Variants in PDZRN3 observed in about 807,000 individuals in gnomAD.
The protein encoded by PDZRN3 is PDZ domain containing ring finger 3.
Under a neutral mutation model 85.7 loss-of-function variants are expected in PDZRN3, and 38 were observed. The ratio of observed to expected loss-of-function variants is 0.44; its 90% CI spans 0.34 to 0.58. The LOEUF (loss-of-function observed/expected upper bound fraction) is 0.58, where lower values mean the gene tolerates loss of function less well. Ranked by LOEUF, PDZRN3 falls within the 20% of genes least tolerant of loss-of-function variation. The pLI, the probability that PDZRN3 is intolerant of heterozygous loss-of-function variation, is 0.01. For missense variants in PDZRN3, 1,629 were observed against 1,506.4 expected (o/e 1.08, Z -1.35); for synonymous variants, 759 against 638.0 (o/e 1.19, Z -2.86).
At chr3:73,501,175 A>C (rs1252758244) in intron 3 of PDZRN3, among the ~76,000 whole-genome samples, 1 of 152,206 alleles carries the variant, frequency 6.6e-6, no homozygotes, top group Non-Finnish European at 1.5e-5. Flanking sequence ...CAAAATCCAA[A>C]CACATAGCCA....
intron 5 of PDZRN3, among the ~76,000 whole-genome samples, chr3:73,396,381 AG>A (rs1701637527): frequency 6.6e-6 from 1 of 152,298 alleles, no homozygotes; most frequent in East Asian, 1.9e-4. Context: ...TTGCAGGCAT[AG>A]TACAAAAAAT....
At chr3:73,434,780 G>A (rs751553091) in intron 3 of PDZRN3, among the ~76,000 whole-genome samples, 5 of 152,226 alleles carry the variant, frequency 3.3e-5, no homozygotes, top group African/African-American at 4.8e-5. Context: ...GAAGAAAGCA[G>A]AGAGCTGCCA....
intron 3 of PDZRN3, among the ~76,000 whole-genome samples, chr3:73,454,892 A>AT (rs879863163): frequency 1.4e-3 from 207 of 145,654 alleles, no homozygotes; most frequent in Middle Eastern, 3.6e-3. Flanking sequence ...AAGTTTCTTC[A>AT]TTTTTTTTTT....
At chr3:73,477,884 G>A (rs537768805) in intron 3 of PDZRN3, among the ~76,000 whole-genome samples, 26 of 152,276 alleles carry the variant, frequency 1.7e-4, no homozygotes, top group African/African-American at 6.3e-4. Flanking sequence ...TGGCAGGCAA[G>A]GGACGTGTGC....
At chr3:73,480,035 A>T (rs572845299) in intron 3 of PDZRN3, among the ~76,000 whole-genome samples, 1 of 152,196 alleles carries the variant, frequency 6.6e-6, no homozygotes, top group African/African-American at 2.4e-5. Flanking sequence ...GGGCAATCCA[A>T]TTATGAAGAA....
At chr3:73,579,771 C>T (rs895367728) in intron 3 of PDZRN3, among the ~76,000 whole-genome samples, 5 of 152,156 alleles carry the variant, frequency 3.3e-5, no homozygotes, top group African/African-American at 9.7e-5. Flanking sequence ...TTGTAAATCA[C>T]GGCACCACTG....
chr3:73,573,818 T>C (rs1326787971), intron 3 of PDZRN3, among the ~76,000 whole-genome samples: 42 of 13,730 alleles, frequency 3.1e-3, no homozygotes, highest in African/African-American at 0.023. Context: ...CACCTATACA[T>C]ATACATATAC....
chr3:73,402,960 T>TTTTTTTTTG (rs1429244382), intron 4 of PDZRN3, among the ~76,000 whole-genome samples: 5 of 98,944 alleles, frequency 5.1e-5, no homozygotes, highest in African/African-American at 1.8e-4. Flanking sequence ...TTTTTTTTTT[T>TTTTTTTTTG]TGAGACGGAG....
At chr3:73,433,988 T>C in intron 3 of PDZRN3, 1 of 1,277,050 alleles carries the variant, frequency 7.8e-7, no homozygotes, top group African/African-American at 1.5e-5. Context: ...TGAGTGACTC[T>C]GGCAGCTGGA....
intron 3 of PDZRN3, among the ~76,000 whole-genome samples, chr3:73,420,140 C>T (rs181691308): frequency 3.8e-4 from 58 of 152,294 alleles, no homozygotes; most frequent in African/African-American, 1.3e-3. Context: ...AAATGCTTTT[C>T]CTAGAAATCC....
intron 1 of PDZRN3, among the ~76,000 whole-genome samples, chr3:73,620,982 G>A (rs1391609111): frequency 1.3e-5 from 2 of 152,248 alleles, no homozygotes; most frequent in African/African-American, 4.8e-5. Flanking sequence ...TACATGTTTG[G>A]TCTATATCTA....
At position 73,509,841 on chromosome 3, in the gene PDZRN3, T is replaced by C. The variant is rs529710309; in HGVS notation, c.918+92513A>G. ...TCCTGGCACGGGCGGGCGGCTCTTC[T>C]CTGTGACTTCCCTGAAAACCCACTG... On this transcript the variant is annotated intron_variant, in intron 3 of 9. Transcript: ENST00000263666. 4.0e-4 allele frequency among the ~76,000 whole-genome samples: 61 copies of C among 152,312 alleles called. 1 individual carries two copies. The South Asian group carries it at 0.012, about 31-fold the overall frequency.
intron 3 of PDZRN3, chr3:73,569,195 G>T: frequency 7.8e-7 from 1 of 1,289,430 alleles, no homozygotes; most frequent in Non-Finnish European, 1.0e-6. Context: ...GATTCATCAG[G>T]AGGAATCAGA....
chr3:73,385,859 A>G lies in PDZRN3; in HGVS notation c.1519-74T>C. 3.4e-6 allele frequency: 3 copies of G among 885,674 alleles called. No individual in the cohort carries two copies. The South Asian group carries it at 4.2e-5, about 12-fold the overall frequency. 54.9% of individuals were successfully genotyped at this position (885,674 alleles called of 1,614,324 possible). The stretch of plus-strand genomic sequence containing the variant: ...TCATTTATGTTTTTTTAAAAATGAC[A>G]TTACCTTGGGGGAAAATATTTCTAG... On this transcript the variant is annotated intron_variant, in intron 8 of 9. Coordinates refer to ENST00000263666, the MANE Select transcript of PDZRN3 (RefSeq NM_015009.3).
At chr3:73,557,302 G>T (rs1048404725) in intron 3 of PDZRN3, among the ~76,000 whole-genome samples, 3 of 152,172 alleles carry the variant, frequency 2.0e-5, no homozygotes, top group Non-Finnish European at 4.4e-5. Context: ...TTCTTTATAA[G>T]ACCTATTCCA....
chr3:73,393,583 G>A (rs1196695526), intron 5 of PDZRN3, among the ~76,000 whole-genome samples: 1 of 152,204 alleles, frequency 6.6e-6, no homozygotes, highest in African/African-American at 2.4e-5. Flanking sequence ...GTATTGGTTA[G>A]AGACAGACTG....
At chr3:73,614,348 TC>T (rs1463056121) in intron 1 of PDZRN3, among the ~76,000 whole-genome samples, 1 of 152,148 alleles carries the variant, frequency 6.6e-6, no homozygotes, top group Non-Finnish European at 1.5e-5. Flanking sequence ...CTCCAAACCA[TC>T]CAGCCTCAAA....
chr3:73,437,808 A>C (rs1215225712), intron 3 of PDZRN3, among the ~76,000 whole-genome samples: 1 of 152,106 alleles, frequency 6.6e-6, no homozygotes, highest in African/African-American at 2.4e-5. Context: ...GCTTTCCTAT[A>C]GTAAGGAACA....
chr3:73,424,286 C>G (rs779184284), intron 3 of PDZRN3, among the ~76,000 whole-genome samples: 39 of 144,874 alleles, frequency 2.7e-4, no homozygotes, highest in Non-Finnish European at 4.3e-4. Context: ...AATCCCAGCA[C>G]TTTGGGAGGC....
Sources: allele counts gnomAD v4.1 joint callset (sites outside exome capture counted in the v4.1 genomes callset), GRCh38; gene constraint gnomAD v4.1.1; transcripts MANE v1.5; gene names NCBI Gene and HGNC (gene_info 2026-07-23, HGNC 2026-07-21).